PACSIN2: variants seen among roughly 807,000 people sequenced by gnomAD.
The protein encoded by PACSIN2 is protein kinase C and casein kinase substrate in neurons protein 2.
A neutral mutation model predicts 63.8 loss-of-function variants in PACSIN2; 25 were observed. The ratio of observed to expected loss-of-function variants is 0.39; its 90% confidence interval spans 0.29 to 0.55. The LOEUF is 0.55. Among genes scored for constraint, PACSIN2 ranks in the 20% least tolerant of loss-of-function variants. PACSIN2 has a pLI of 0.62. For missense variants in PACSIN2, 518 were observed against 646.9 expected (o/e 0.80, Z 2.16); for synonymous variants, 255 against 256.2 (o/e 1.00, Z 0.05).
At chr22:42,996,428 A>C (rs966380297) in intron 1 of PACSIN2, among the ~76,000 whole-genome samples, 2 of 151,590 alleles carry the variant, frequency 1.3e-5, no homozygotes, top group Non-Finnish European at 2.9e-5. Flanking sequence ...GCTACTGGGA[A>C]GGCTGAGGCA....
intron 1 of PACSIN2, among the ~76,000 whole-genome samples, chr22:42,930,150 A>G (rs967686018): frequency 2.0e-5 from 3 of 152,238 alleles, no homozygotes; most frequent in African/African-American, 7.2e-5. Flanking sequence ...AAAACGAGAC[A>G]GAGGAAGTCT....
At chr22:43,007,083 CT>C (rs1179042311) in intron 1 of PACSIN2, among the ~76,000 whole-genome samples, 1 of 152,122 alleles carries the variant, frequency 6.6e-6, no homozygotes, top group African/African-American at 2.4e-5. Flanking sequence ...TCTTGCTTCT[CT>C]GAAGATCTTC....
chr22:43,008,556 A>G (rs1052524716), intron 1 of PACSIN2, among the ~76,000 whole-genome samples: 1 of 152,212 alleles, frequency 6.6e-6, no homozygotes, highest in Non-Finnish European at 1.5e-5. Context: ...GCCTAAGTTC[A>G]GTGTTCTTTT....
intron 1 of PACSIN2, among the ~76,000 whole-genome samples, chr22:42,940,303 G>A (rs1453055868): frequency 1.3e-5 from 2 of 152,214 alleles, no homozygotes; most frequent in South Asian, 2.1e-4. Flanking sequence ...AAGAAATGTA[G>A]TGCAGAGTGA....
At chr22:42,984,572 C>A (rs977610617) in intron 1 of PACSIN2, among the ~76,000 whole-genome samples, 1 of 152,152 alleles carries the variant, frequency 6.6e-6, no homozygotes, top group Non-Finnish European at 1.5e-5. Flanking sequence ...CTGACCCAGG[C>A]CAGCGGGTTG....
intron 1 of PACSIN2, among the ~76,000 whole-genome samples, chr22:43,003,428 C>T (rs1179756358): frequency 6.6e-6 from 1 of 152,132 alleles, no homozygotes; most frequent in Non-Finnish European, 1.5e-5. Context: ...ACGGTGAAAC[C>T]CCGTCTCTAC....
At chr22:42,875,541 A>AT (rs35155364) in intron 10 of PACSIN2, among the ~76,000 whole-genome samples, 64,067 of 147,766 alleles carry the variant, frequency 0.43, 14,142 homozygotes, top group Non-Finnish European at 0.48. Flanking sequence ...AGCCCAGCTA[A>AT]TTTTTTTTTT....
intron 10 of PACSIN2, among the ~76,000 whole-genome samples, chr22:42,875,171 G>T (rs1928513673): frequency 6.7e-6 from 1 of 149,560 alleles, no homozygotes; most frequent in African/African-American, 2.5e-5. Flanking sequence ...TTTTTTAAGA[G>T]ATGGGGTCTT....
At chr22:42,964,471 G>A (rs554841924) in intron 1 of PACSIN2, among the ~76,000 whole-genome samples, 1 of 151,290 alleles carries the variant, frequency 6.6e-6, no homozygotes, top group Non-Finnish European at 1.5e-5. Flanking sequence ...CACAATAATT[G>A]GGTTGTTAAT....
intron 1 of PACSIN2, among the ~76,000 whole-genome samples, chr22:42,944,617 A>G (rs1387162283): frequency 6.6e-6 from 1 of 152,250 alleles, no homozygotes; most frequent in East Asian, 1.9e-4. Context: ...CATCACTGCA[A>G]TATTTATAAC....
chr22:42,933,439 T>C (rs1932823499), intron 1 of PACSIN2, among the ~76,000 whole-genome samples: 1 of 152,156 alleles, frequency 6.6e-6, no homozygotes, highest in Non-Finnish European at 1.5e-5. Context: ...AAGCCTCAAT[T>C]CAAGTCCAAA....
At position 42,879,465 on chromosome 22, in the gene PACSIN2, G is replaced by A. The variant is rs1928910627; in HGVS notation, c.907-296C>T. Among the ~76,000 whole-genome samples the A allele has an allele frequency of 2.0e-5, 3 of 152,202 alleles. No homozygotes were observed. The South Asian group carries it at 6.2e-4, about 31-fold the overall frequency. On this transcript the variant is annotated intron_variant, in intron 7 of 10. Transcript: ENST00000263246. ...ATGCTGCCCACCTCCCAGAGGACCA[G>A]CGGGGGTGGCGAGGACCAGGGCAAG...
intron 1 of PACSIN2, among the ~76,000 whole-genome samples, chr22:42,970,772 C>A (rs979547105): frequency 6.6e-6 from 1 of 152,144 alleles, no homozygotes; most frequent in African/African-American, 2.4e-5. Context: ...AGGCAGGGCC[C>A]CGTGTAAGCT....
chr22:42,993,785 A>C (rs1191925794), intron 1 of PACSIN2: 1 of 152,228 alleles, frequency 6.6e-6, no homozygotes, highest in African/African-American at 2.4e-5. Context: ...TTCCTCCTGG[A>C]AGGGCGGCAC....
At chr22:42,965,675 C>G (rs115162568) in intron 1 of PACSIN2, among the ~76,000 whole-genome samples, 58 of 152,270 alleles carry the variant, frequency 3.8e-4, no homozygotes, top group Non-Finnish European at 6.9e-4. Flanking sequence ...CTACCAATGA[C>G]TTTGGTAGAG....
At chr22:42,921,029 C>G (rs1932159424) in intron 1 of PACSIN2, among the ~76,000 whole-genome samples, 1 of 151,806 alleles carries the variant, frequency 6.6e-6, no homozygotes, top group African/African-American at 2.4e-5. Flanking sequence ...CTCTTGGGCT[C>G]AAGTGATCCA....
intron 1 of PACSIN2, among the ~76,000 whole-genome samples, chr22:42,938,654 C>T (rs994319447): frequency 1.3e-5 from 2 of 152,232 alleles, no homozygotes; most frequent in Non-Finnish European, 2.9e-5. Context: ...ATCTCCCTCT[C>T]GACAGCCTGG....
At position 42,969,846 on chromosome 22, in the gene PACSIN2, T is replaced by A. The variant is rs112492672; in HGVS notation, c.-78+45175A>T. On this transcript the variant is annotated intron_variant, in intron 1 of 10. Coordinates refer to ENST00000263246, the MANE Select transcript of PACSIN2 (RefSeq NM_001184970.3). Reference sequence around the variant, plus strand: ...GCTACTCAGGAGGGTGAGGCTGCAATGAATCATGATCCCACCACTGCACTC... The same window carrying A: ...GCTACTCAGGAGGGTGAGGCTGCAAAGAATCATGATCCCACCACTGCACTC... 4.3e-3 allele frequency among the ~76,000 whole-genome samples: 641 copies of A among 149,964 alleles called. 3 individuals carry two copies. The highest frequency in any genetic ancestry group is 0.015 in the African/African-American group (618 of 40,720).
chr22:42,943,468 T>C (rs1029566476), intron 1 of PACSIN2, among the ~76,000 whole-genome samples: 3 of 152,214 alleles, frequency 2.0e-5, no homozygotes, highest in Non-Finnish European at 4.4e-5. Flanking sequence ...GTCCTATTCT[T>C]CTGGATTGTA....
Sources: allele counts gnomAD v4.1 joint callset (sites outside exome capture counted in the v4.1 genomes callset), GRCh38; gene constraint gnomAD v4.1.1; transcripts MANE v1.5; gene names NCBI Gene and HGNC (gene_info 2026-07-23, HGNC 2026-07-21).